Variants in PTPRS observed in about 807,000 individuals in gnomAD.
PTPRS encodes receptor-type tyrosine-protein phosphatase S.
Under a neutral mutation model 215.3 loss-of-function variants are expected in PTPRS, and 63 were observed. The ratio of observed to expected loss-of-function variants is 0.29; its 90% confidence interval spans 0.24 to 0.36. The LOEUF (loss-of-function observed/expected upper bound fraction) is 0.36, where lower values mean the gene tolerates loss of function less well. Among genes scored for constraint, PTPRS ranks in the 10% least tolerant of loss-of-function variants. PTPRS has a pLI of 1.00. For synonymous variants in PTPRS, 1,404 were observed against 1,191.4 expected (o/e 1.18, Z -3.68); for missense variants, 2,258 against 2,825.8 (o/e 0.80, Z 4.56).
At chr19:5,255,704 A>G (rs1278959243) in intron 9 of PTPRS, among the ~76,000 whole-genome samples, 1 of 152,234 alleles carries the variant, frequency 6.6e-6, no homozygotes, top group Non-Finnish European at 1.5e-5. Flanking sequence ...CCGACAAGAG[A>G]GGCATGCAGA....
chr19:5,208,025 G>A lies in PTPRS; in HGVS notation c.5675C>T (p.Thr1892Met), dbSNP rs772956659. 6.8e-6 allele frequency: 11 copies of A among 1,613,722 alleles called. No homozygotes were observed. The highest frequency in any genetic ancestry group is 4.0e-5 in the African/African-American group (3 of 74,940). Residue 1892 changes from threonine (T) to methionine (M), a missense_variant, in exon 37 of 38, where the codon ACG becomes ATG. By Grantham distance (81) the Thr-to-Met change is moderately conservative. Transcript: ENST00000262963. Reference protein sequence around the residue: ...AGVGRTGVFITLSIVLERMRY... With the variant: ...AGVGRTGVFIMLSIVLERMRY... ...CATCCGCTCCAGCACGATGCTAAGCGTGATGAAGACGCCCGTCCTGCCCAC... is the reference window on the plus strand; with the variant it reads ...CATCCGCTCCAGCACGATGCTAAGCATGATGAAGACGCCCGTCCTGCCCAC...
At position 5,333,642 on chromosome 19, in the gene PTPRS, ACT is replaced by A. The variant is rs543080940; in HGVS notation, c.-95+7020_-95+7021del. On this transcript the variant is annotated intron_variant, in intron 1 of 37. Transcript: ENST00000262963. ...CTCCAGCCACAAAGCAGCAGGTGCC[ACT>A]CTCAGTCTCTGTCCTTGGTGCCCCC... Among the ~76,000 whole-genome samples, 91 of 151,250 alleles carry A rather than the reference ACT, an allele frequency of 6.0e-4. 1 individual carries two copies. The highest frequency in any genetic ancestry group is 2.0e-3 in the African/African-American group (82 of 41,180).
chr19:5,278,457 C>A (rs990136741), intron 2 of PTPRS, among the ~76,000 whole-genome samples: 18 of 151,930 alleles, frequency 1.2e-4, no homozygotes, highest in Non-Finnish European at 2.4e-4. Context: ...CCTCTCACCT[C>A]GAGATGCTTT....
chr19:5,277,839 G>A, intron 2 of PTPRS: 1 of 804,858 alleles, frequency 1.2e-6, no homozygotes, highest in Admixed American at 1.7e-5. Flanking sequence ...GCGTTAACTG[G>A]GGGAAACCCA....
chr19:5,229,683 C>A lies in PTPRS; in HGVS notation c.2157G>T (p.Val719=). The A allele has an allele frequency of 2.4e-6, 3 of 1,244,838 alleles. No individual in the cohort carries two copies. Among genetic ancestry groups the A allele is most frequent in the South Asian group, 3.0e-5 (1 of 32,908 alleles). The allele number at this position is 1,244,838 out of a possible 1,614,324, so 77.1% of individuals were successfully genotyped here. A position where few individuals can be genotyped will look rare whatever the true frequency, so the allele number is the denominator to read the frequency against. Residue 719 remains valine, a splice_region_variant and synonymous_variant, in exon 15 of 38, where the codon GTG becomes GTT. Coordinates refer to ENST00000262963, the MANE Select transcript of PTPRS (RefSeq NM_002850.4). ...CCACCTTCCGCGGCGGCGCGCTGGG[C>A]ACTGGCGGGCGGGAGGGGAGGGGAG... The part of the protein sequence containing the change: ...SPVVVRTDED[V]PSAPPRKVEA...
intron 1 of PTPRS, among the ~76,000 whole-genome samples, chr19:5,327,298 AT>A (rs1211967671): frequency 6.6e-6 from 1 of 152,180 alleles, no homozygotes; most frequent in African/African-American, 2.4e-5. Flanking sequence ...ATTTTATGAT[AT>A]CTTAGCCAGT....
chr19:5,337,890 C>T (rs2050557188), intron 1 of PTPRS, among the ~76,000 whole-genome samples: 1 of 152,072 alleles, frequency 6.6e-6, no homozygotes, highest in African/African-American at 2.4e-5. Context: ...AACGCTCAAC[C>T]GGGGTATAAG....
At chr19:5,227,533 G>GC (rs1204955720) in intron 16 of PTPRS, among the ~76,000 whole-genome samples, 1 of 151,852 alleles carries the variant, frequency 6.6e-6, no homozygotes, top group African/African-American at 2.4e-5. Context: ...TCCTGCCTCA[G>GC]CCTCCCGAGT....
chr19:5,212,260 C>A lies in PTPRS; in HGVS notation c.4770-10G>T. The A allele has an allele frequency of 6.2e-7, 1 of 1,609,038 alleles. No individual in the cohort carries two copies. The highest frequency in any genetic ancestry group is 8.5e-7 in the Non-Finnish European group (1 of 1,176,508). On this transcript the variant is annotated splice_polypyrimidine_tract_variant and intron_variant, in intron 31 of 37. Coordinates refer to ENST00000262963, the MANE Select transcript of PTPRS (RefSeq NM_002850.4). ...GCGGCCCACACCGGCACTGCAGGGA[C>A]AGCCACGTGGCGTTCAGGGGCTGCT...
chr19:5,208,089 G>A (rs752778384), intron 36 of PTPRS, 32 bp from the exon 37 acceptor site: 31 of 1,602,876 alleles, frequency 1.9e-5, no homozygotes, highest in Non-Finnish European at 2.6e-5. Flanking sequence ...CAGCCATTCA[G>A]GGGCAGGTGC....
At chr19:5,277,785 A>G in intron 2 of PTPRS, 1 of 737,304 alleles carries the variant, frequency 1.4e-6, no homozygotes, top group Non-Finnish European at 2.5e-6. Flanking sequence ...AAAGAGGATC[A>G]AGGCGTTCAT....
At chr19:5,322,125 G>A (rs1338914092) in intron 1 of PTPRS, among the ~76,000 whole-genome samples, 3 of 152,194 alleles carry the variant, frequency 2.0e-5, no homozygotes. Flanking sequence ...TTCCTGACCT[G>A]ACAGGGAACT....
chr19:5,221,022 C>T lies in PTPRS; in HGVS notation c.3433G>A (p.Gly1145Ser), dbSNP rs765371680. 45 of 1,611,596 alleles carry T rather than the reference C, an allele frequency of 2.8e-5. No homozygotes were observed. The highest frequency in any genetic ancestry group is 4.0e-5 in the African/African-American group (3 of 74,874). ...TACTGGACAGGCACGGGGCTCTGGC[C>T]GTCAGGAAGATACACCATGATGAAG... is the stretch of plus-strand genomic sequence containing the variant. ...DGFIMVYLPD[G>S]QSPVPVQSYF... The change falls in exon 20 of 38, where the codon GGC becomes AGC. Residue 1145 changes from glycine to serine, a missense_variant. This residue lies in a region of PTPRS where 927 missense variants were observed against 1,125.9 expected (regional missense o/e 0.82). Coordinates refer to ENST00000262963, the MANE Select transcript of PTPRS (RefSeq NM_002850.4).
rs199892957 is a variant in PTPRS, at chr19:5,219,924, C to T, written c.3765+15G>A. The T allele has an allele frequency of 1.9e-4, 307 of 1,611,558 alleles. 1 individual carries two copies. The East Asian group carries it at 6.4e-3, about 34-fold the overall frequency. ...AGGTGTGTCTGGATGTGGGCGGACA[C>T]CATTCAGGACTTACAGGCTCGCTCT... On this transcript the variant is annotated intron_variant, in intron 22 of 37. Transcript: ENST00000262963.
intron 1 of PTPRS, among the ~76,000 whole-genome samples, chr19:5,336,916 C>T (rs993108272): frequency 6.6e-6 from 1 of 152,164 alleles, no homozygotes; most frequent in Admixed American, 6.5e-5. Flanking sequence ...GGGTTCTCAT[C>T]CTCCTTGCAA....
chr19:5,295,494 C>T lies in PTPRS; in HGVS notation c.-94-9260G>A, dbSNP rs1185884865. Among the ~76,000 whole-genome samples the T allele has an allele frequency of 6.7e-6, 1 of 149,672 alleles. No individual in the cohort carries two copies. Among genetic ancestry groups the T allele is most frequent in the Non-Finnish European group, 1.5e-5 (1 of 67,016 alleles). ...CTCCCCCTTGGCTGGGTGGCCCCAT[C>T]AGCACAGAGCCCTACATGCGCCTAG... On this transcript the variant is annotated intron_variant, in intron 1 of 37. Transcript: ENST00000262963. The surrounding 1 kb of genome is among the most constrained non-coding windows in gnomAD (Gnocchi z 4.6).
chr19:5,226,534 C>A (rs572461439), intron 16 of PTPRS, among the ~76,000 whole-genome samples: 49 of 150,134 alleles, frequency 3.3e-4, no homozygotes, highest in African/African-American at 1.2e-3. Flanking sequence ...AGTTCCAGAC[C>A]AGCCTGGCCA....
At chr19:5,208,189 TCA>T (rs777605715) in intron 36 of PTPRS, 46 bp downstream of exon 36, 1 of 1,557,100 alleles carries the variant, frequency 6.4e-7, no homozygotes, top group Non-Finnish European at 8.7e-7. Context: ...CCACCAGGCC[TCA>T]GTTTCCCCAG....
intron 1 of PTPRS, among the ~76,000 whole-genome samples, chr19:5,319,413 CTTTTTTT>C (rs78544674): frequency 0.11 from 14,993 of 135,284 alleles, 913 homozygotes; most frequent in African/African-American, 0.16. Context: ...CAGACCTTGT[CTTTTTTT>C]TTTTTTTTTT....
Sources: gnomAD v4.1 joint callset for allele counts (sites outside exome capture counted in the v4.1 genomes callset) on GRCh38, gnomAD v4.1.1 for gene constraint, gnomAD v4.1.1 regional missense constraint, Gnocchi (gnomAD v3.1) non-coding constraint, MANE v1.5 for transcripts, NCBI Gene and HGNC (gene_info 2026-07-23, HGNC 2026-07-21) for gene names.